PEAK1: variants seen among roughly 807,000 people sequenced by gnomAD.
PEAK1 encodes the protein inactive tyrosine-protein kinase PEAK1.
Under a neutral mutation model 124.7 loss-of-function variants are expected in PEAK1, and 54 were observed. The ratio of observed to expected loss-of-function variants is 0.43; its 90% confidence interval spans 0.35 to 0.54. The LOEUF (loss-of-function observed/expected upper bound fraction) is 0.54, where lower values mean the gene tolerates loss of function less well. Ranked by LOEUF, PEAK1 falls within the 20% of genes least tolerant of loss-of-function variation. The pLI is 0.01. For synonymous variants in PEAK1, 719 were observed against 760.0 expected (o/e 0.95, Z 0.89); for missense variants, 2,046 against 2,134.5 (o/e 0.96, Z 0.82).
intron 5 of PEAK1, among the ~76,000 whole-genome samples, chr15:77,263,640 G>A (rs1034346391): frequency 6.6e-6 from 1 of 152,092 alleles, no homozygotes; most frequent in Non-Finnish European, 1.5e-5. Flanking sequence ...AAAAGGCCAG[G>A]ACCAGATGGA....
At chr15:77,152,657 T>G (rs1396008291) in intron 8 of PEAK1, among the ~76,000 whole-genome samples, 1 of 152,216 alleles carries the variant, frequency 6.6e-6, no homozygotes, top group Non-Finnish European at 1.5e-5. Flanking sequence ...TTTTGAGATT[T>G]GTCCCATCAA....
rs1305570981 is a variant in PEAK1 at position 77,114,292 on chromosome 15, A to T, written c.5105T>A (p.Leu1702His). The change falls in exon 10 of 10, where the codon CTC (leucine) becomes CAC (histidine). Residue 1702 changes from leucine (L) to histidine (H), a missense_variant. Leu to His is a moderately conservative substitution (Grantham distance 99). Coordinates refer to ENST00000682557, the MANE Select transcript of PEAK1 (RefSeq NM_001385026.1). ...GGACTTCTCAGCAAACTTGATCATG[A>T]GCAGTGTTCGCTTGATGTCTAGCCA... The part of the protein sequence containing the change: ...QNWLDIKRTL[L>H]MIKFAEKSLD... 3 of 1,614,070 alleles carry T rather than the reference A, an allele frequency of 1.9e-6. No individual in the cohort carries two copies. The highest frequency in any genetic ancestry group is 2.5e-6 in the Non-Finnish European group (3 of 1,180,038).
chr15:77,261,100 T>A (rs1465986464), intron 5 of PEAK1, among the ~76,000 whole-genome samples: 1 of 152,052 alleles, frequency 6.6e-6, no homozygotes, highest in Non-Finnish European at 1.5e-5. Flanking sequence ...AGAAAGGACA[T>A]CCACACCAAA....
At chr15:77,265,844 T>C (rs988570351) in intron 5 of PEAK1, among the ~76,000 whole-genome samples, 6 of 152,024 alleles carry the variant, frequency 3.9e-5, no homozygotes, top group Non-Finnish European at 5.9e-5. Flanking sequence ...TAGCAAAGAC[T>C]TGGAACCAAC....
intron 6 of PEAK1, among the ~76,000 whole-genome samples, chr15:77,191,357 C>T (rs904627574): frequency 6.6e-6 from 1 of 152,144 alleles, no homozygotes; most frequent in Non-Finnish European, 1.5e-5. Context: ...CTACATCCAG[C>T]GGAGGCCAGG....
chr15:77,250,202 C>CATATATAT (rs1402726997), intron 6 of PEAK1, among the ~76,000 whole-genome samples: 8 of 104,398 alleles, frequency 7.7e-5, no homozygotes, highest in African/African-American at 9.6e-5. Context: ...CATATATATA[C>CATATATAT]ATATATATGT....
At chr15:77,392,579 A>G (rs752601508) in intron 1 of PEAK1, among the ~76,000 whole-genome samples, 22 of 152,140 alleles carry the variant, frequency 1.4e-4, no homozygotes, top group Non-Finnish European at 2.5e-4. Context: ...CTACATCTTC[A>G]TGTCTATGCC....
At chr15:77,352,767 T>C (rs2067284733) in intron 2 of PEAK1, 2 of 970,728 alleles carry the variant, frequency 2.1e-6, no homozygotes, top group African/African-American at 1.8e-5. Context: ...AAGACAGACA[T>C]ACAAAAGTCA....
intron 1 of PEAK1, chr15:77,419,237 A>C: frequency 6.1e-6 from 6 of 985,378 alleles, no homozygotes; most frequent in Non-Finnish European, 7.2e-6. Flanking sequence ...GCTCTCAGCA[A>C]TCTTTAACGT....
At chr15:77,322,324 A>G (rs1216181808) in intron 2 of PEAK1, among the ~76,000 whole-genome samples, 1 of 152,218 alleles carries the variant, frequency 6.6e-6, no homozygotes, top group East Asian at 1.9e-4. Context: ...CCTTCAAAAA[A>G]TCAATGAATC....
intron 9 of PEAK1, among the ~76,000 whole-genome samples, chr15:77,116,829 T>C (rs950759459): frequency 6.6e-6 from 1 of 152,204 alleles, no homozygotes; most frequent in Admixed American, 6.5e-5. Context: ...GTATTTCTTT[T>C]TTAAGCAAAC....
intron 7 of PEAK1, among the ~76,000 whole-genome samples, chr15:77,160,448 C>T (rs556669742): frequency 1.4e-4 from 22 of 152,188 alleles, no homozygotes; most frequent in Non-Finnish European, 2.4e-4. Context: ...GAGGCTGAGG[C>T]GGGCGGATCA....
At chr15:77,316,256 C>A (rs2064865577) in intron 2 of PEAK1, among the ~76,000 whole-genome samples, 1 of 152,062 alleles carries the variant, frequency 6.6e-6, no homozygotes, top group South Asian at 2.1e-4. Context: ...TACATGTTCA[C>A]CATAGAAAAA....
At chr15:77,331,211 C>T (rs1051555091) in intron 2 of PEAK1, 3 of 196,194 alleles carry the variant, frequency 1.5e-5, no homozygotes, top group Non-Finnish European at 2.8e-5. Flanking sequence ...CTCACTGCAA[C>T]CTCCGCTTCC....
At chr15:77,341,569 C>G (rs1259915153) in intron 2 of PEAK1, among the ~76,000 whole-genome samples, 1 of 151,978 alleles carries the variant, frequency 6.6e-6, no homozygotes, top group Admixed American at 6.5e-5. Flanking sequence ...ATTACATAGG[C>G]ATGATTGTTC....
chr15:77,359,767 A>G (rs2067763397), intron 2 of PEAK1, among the ~76,000 whole-genome samples: 2 of 152,200 alleles, frequency 1.3e-5, no homozygotes, highest in Admixed American at 1.3e-4. Flanking sequence ...AAACTATAAA[A>G]CACTGAAAGA....
At chr15:77,203,839 G>C (rs2058492584) in intron 6 of PEAK1, among the ~76,000 whole-genome samples, 1 of 151,922 alleles carries the variant, frequency 6.6e-6, no homozygotes. Flanking sequence ...AGAAAATATA[G>C]ATGATGGTGA....
intron 6 of PEAK1, among the ~76,000 whole-genome samples, chr15:77,240,937 C>T (rs143478349): frequency 2.0e-5 from 3 of 152,158 alleles, no homozygotes; most frequent in Non-Finnish European, 2.9e-5. Flanking sequence ...ATATACTTCC[C>T]ATTCATTTTA....
intron 2 of PEAK1, among the ~76,000 whole-genome samples, chr15:77,361,802 T>G (rs532211643): frequency 6.6e-6 from 1 of 151,450 alleles, no homozygotes; most frequent in Non-Finnish European, 1.5e-5. Flanking sequence ...CTACTGACAA[T>G]AGCCAAGATA....
Sources: gnomAD v4.1 joint callset for allele counts (sites outside exome capture counted in the v4.1 genomes callset) on GRCh38, gnomAD v4.1.1 for gene constraint, MANE v1.5 for transcripts, NCBI Gene and HGNC (gene_info 2026-07-23, HGNC 2026-07-21) for gene names.